Variants in PDZRN3 observed in about 807,000 individuals in gnomAD.
PDZRN3 encodes E3 ubiquitin-protein ligase PDZRN3.
Under a neutral mutation model 85.7 loss-of-function variants are expected in PDZRN3, and 38 were observed. The ratio of observed to expected loss-of-function variants is 0.44; its 90% CI spans 0.34 to 0.58. The LOEUF is 0.58. Ranked by LOEUF, PDZRN3 falls within the 20% of genes least tolerant of loss-of-function variation. PDZRN3 has a pLI of 0.01. For missense variants in PDZRN3, 1,629 were observed against 1,506.4 expected (o/e 1.08, Z -1.35); for synonymous variants, 759 against 638.0 (o/e 1.19, Z -2.86).
intron 3 of PDZRN3, among the ~76,000 whole-genome samples, chr3:73,600,700 C>T (rs13319740): frequency 0.15 from 22,182 of 152,176 alleles, 1,701 homozygotes; most frequent in African/African-American, 0.18. Flanking sequence ...TTGCAAAACA[C>T]AAGAGCAATG....
chr3:73,553,092 G>A (rs1701601597), intron 3 of PDZRN3, among the ~76,000 whole-genome samples: 1 of 152,216 alleles, frequency 6.6e-6, no homozygotes, highest in South Asian at 2.1e-4. Context: ...AAGGGAAAGT[G>A]TTTTGAAAAT....
chr3:73,387,227 T>A (rs1254785091), intron 8 of PDZRN3, among the ~76,000 whole-genome samples: 1 of 152,206 alleles, frequency 6.6e-6, no homozygotes. Flanking sequence ...ATCAGCAGCA[T>A]GAAAACGGAC....
intron 3 of PDZRN3, among the ~76,000 whole-genome samples, chr3:73,585,392 G>A (rs1702263176): frequency 6.6e-6 from 1 of 152,050 alleles, no homozygotes; most frequent in African/African-American, 2.4e-5. Context: ...GAACATTTTG[G>A]CAGATAGCTA....
chr3:73,479,389 T>TAAAA (rs11456991), intron 3 of PDZRN3, among the ~76,000 whole-genome samples: 1 of 147,448 alleles, frequency 6.8e-6, no homozygotes. Flanking sequence ...CTTCTCAAAG[T>TAAAA]AAAAAAAAAA....
intron 3 of PDZRN3, among the ~76,000 whole-genome samples, chr3:73,420,073 C>G (rs898748568): frequency 6.6e-5 from 10 of 152,168 alleles, no homozygotes; most frequent in Non-Finnish European, 2.9e-5. Flanking sequence ...AGAAACATGG[C>G]CCTCTCTGGA....
At chr3:73,560,409 A>G (rs1559738466) in intron 3 of PDZRN3, among the ~76,000 whole-genome samples, 1 of 152,178 alleles carries the variant, frequency 6.6e-6, no homozygotes, top group African/African-American at 2.4e-5. Context: ...CAACTATATA[A>G]GGGTGTGTTT....
At position 73,383,824 on chromosome 3, in the gene PDZRN3, C is replaced by T. The variant is rs752998957; in HGVS notation, c.2742G>A (p.Pro914=). 6 of 1,613,674 alleles carry T rather than the reference C, an allele frequency of 3.7e-6. No individual in the cohort carries two copies. The highest frequency in any genetic ancestry group is 1.1e-5 in the South Asian group (1 of 91,088). Residue 914 remains proline (P), a synonymous_variant, in exon 10 of 10, where the codon CCG becomes CCA. Transcript: ENST00000263666. ...CCTTCCACTCCATGCGCGGCTCCGA[C>T]GGGGTGGGAGAGCTCAGGTCCTTGC... ...SMCKDLSSPT[P]SEPRMEWKVK... is the part of the protein sequence containing the mutation.
chr3:73,615,175 CTAATA>C (rs1032359528), intron 1 of PDZRN3, among the ~76,000 whole-genome samples: 2 of 152,060 alleles, frequency 1.3e-5, no homozygotes, highest in Non-Finnish European at 2.9e-5. Context: ...TTTTTGAAAA[CTAATA>C]TGAGAAGACG....
intron 3 of PDZRN3, among the ~76,000 whole-genome samples, chr3:73,430,449 CA>C (rs982136584): frequency 6.6e-6 from 1 of 152,136 alleles, no homozygotes; most frequent in African/African-American, 2.4e-5. Flanking sequence ...CACCATTTTA[CA>C]AAAAGTCTCT....
intron 3 of PDZRN3, among the ~76,000 whole-genome samples, chr3:73,461,279 C>T (rs981579819): frequency 7.2e-5 from 11 of 152,134 alleles, no homozygotes; most frequent in African/African-American, 2.4e-4. Flanking sequence ...GCTTATTCTA[C>T]ATGTATATGT....
chr3:73,411,753 A>G (rs77711807), intron 3 of PDZRN3, among the ~76,000 whole-genome samples: 179 of 152,300 alleles, frequency 1.2e-3, no homozygotes, highest in African/African-American at 4.1e-3. Flanking sequence ...TGAACAGTCC[A>G]TGAAAGTCGC....
At chr3:73,563,286 C>T (rs886748856) in intron 3 of PDZRN3, among the ~76,000 whole-genome samples, 15 of 151,362 alleles carry the variant, frequency 9.9e-5, no homozygotes, top group Non-Finnish European at 1.6e-4. Context: ...CCGCCCGCCT[C>T]GGCCCCCCAA....
At chr3:73,539,098 T>C (rs1383382569) in intron 3 of PDZRN3, among the ~76,000 whole-genome samples, 2 of 152,178 alleles carry the variant, frequency 1.3e-5, no homozygotes, top group Non-Finnish European at 2.9e-5. Context: ...TGATGACAGA[T>C]TTGCATTTCT....
intron 3 of PDZRN3, among the ~76,000 whole-genome samples, chr3:73,528,480 G>C (rs1704576236): frequency 6.6e-6 from 1 of 152,166 alleles, no homozygotes; most frequent in South Asian, 2.1e-4. Flanking sequence ...TTTAGCCCAA[G>C]AGAGAGTCTT....
chr3:73,428,412 C>G (rs532353829), intron 3 of PDZRN3, among the ~76,000 whole-genome samples: 2 of 152,356 alleles, frequency 1.3e-5, no homozygotes, highest in South Asian at 4.1e-4. Flanking sequence ...GCTCCTCACT[C>G]TTCCTAACAA....
intron 3 of PDZRN3, among the ~76,000 whole-genome samples, chr3:73,578,083 TAA>T (rs1359129551): frequency 6.6e-6 from 1 of 152,160 alleles, no homozygotes; most frequent in Non-Finnish European, 1.5e-5. Context: ...GTCCTTTTAC[TAA>T]ACTCTCTGAT....
intron 3 of PDZRN3, among the ~76,000 whole-genome samples, chr3:73,450,347 T>C (rs1353975241): frequency 6.6e-6 from 1 of 152,174 alleles, no homozygotes. Context: ...TTCTCCAAGT[T>C]ATATTTAAAA....
At chr3:73,474,531 A>G (rs770980329) in intron 3 of PDZRN3, 16 of 1,287,904 alleles carry the variant, frequency 1.2e-5, no homozygotes, top group South Asian at 5.0e-5. Context: ...CTTGTGTTCC[A>G]TCTTCATTTA....
At chr3:73,543,274 C>A (rs1183746705) in intron 3 of PDZRN3, among the ~76,000 whole-genome samples, 1 of 152,224 alleles carries the variant, frequency 6.6e-6, no homozygotes, top group African/African-American at 2.4e-5. Flanking sequence ...ACCCAGCATA[C>A]TGGATTTCCC....
Sources: allele counts gnomAD v4.1 joint callset (sites outside exome capture counted in the v4.1 genomes callset), GRCh38; gene constraint gnomAD v4.1.1; transcripts MANE v1.5; gene names NCBI Gene and HGNC (gene_info 2026-07-23, HGNC 2026-07-21).